SHISA6: variants seen among roughly 807,000 people sequenced by gnomAD.
The protein encoded by SHISA6 is protein shisa-6.
Under a neutral mutation model 47.9 loss-of-function variants are expected in SHISA6, and 22 were observed. The ratio of observed to expected loss-of-function variants is 0.46; its 90% CI spans 0.33 to 0.66. SHISA6 has a LOEUF of 0.66. SHISA6 is among the 30% of genes least tolerant of loss of function. The probability of loss-of-function intolerance (pLI) is 0.02; values close to 1 mark genes in which losing one functional copy is unlikely to be tolerated. For synonymous variants in SHISA6, 388 were observed against 337.8 expected, an observed-to-expected ratio of 1.15 and a Z score of -1.63; for missense variants, 680 against 764.6, an observed-to-expected ratio of 0.89 and a Z score of 1.30.
intron 2 of SHISA6, among the ~76,000 whole-genome samples, chr17:11,328,169 AGT>A (rs1910973271): frequency 3.3e-5 from 5 of 152,216 alleles, no homozygotes; most frequent in Admixed American, 3.3e-4. Context: ...ACTAGAAATG[AGT>A]ACAGCATATT....
At chr17:11,491,157 G>T (rs896344508) in intron 3 of SHISA6, among the ~76,000 whole-genome samples, 52 of 152,174 alleles carry the variant, frequency 3.4e-4, no homozygotes, top group African/African-American at 1.2e-3. Context: ...TTTCTGTAGG[G>T]CAGGCCCAGC....
chr17:11,424,186 GAAAT>G (rs760812954), intron 3 of SHISA6, among the ~76,000 whole-genome samples: 37 of 152,160 alleles, frequency 2.4e-4, no homozygotes, highest in Admixed American at 9.8e-4. Flanking sequence ...TGGAGGAAGT[GAAAT>G]AATCAAAATC....
At chr17:11,305,642 G>C (rs1052146534) in intron 2 of SHISA6, among the ~76,000 whole-genome samples, 1 of 152,188 alleles carries the variant, frequency 6.6e-6, no homozygotes, top group African/African-American at 2.4e-5. Flanking sequence ...TTGGTGTTGC[G>C]GGTGGCTCTG....
intron 2 of SHISA6, among the ~76,000 whole-genome samples, chr17:11,366,089 T>C (rs995387708): frequency 6.6e-6 from 1 of 152,138 alleles, no homozygotes; most frequent in Non-Finnish European, 1.5e-5. Flanking sequence ...AAAAGTGGTG[T>C]GAGGGAGGGA....
At chr17:11,290,654 A>C (rs894393719) in intron 2 of SHISA6, 1 of 151,544 alleles carries the variant, frequency 6.6e-6, no homozygotes, top group Admixed American at 6.6e-5. Flanking sequence ...CGGGCCTCAA[A>C]TATTTTCTCT....
At chr17:11,479,759 C>A (rs1323817564) in intron 3 of SHISA6, among the ~76,000 whole-genome samples, 1 of 151,590 alleles carries the variant, frequency 6.6e-6, no homozygotes, top group East Asian at 1.9e-4. Flanking sequence ...AATATATATA[C>A]ATACACATAT....
At chr17:11,393,406 G>A (rs924421523) in intron 3 of SHISA6, among the ~76,000 whole-genome samples, 2 of 152,014 alleles carry the variant, frequency 1.3e-5, no homozygotes, top group Non-Finnish European at 2.9e-5. Context: ...AGTTGCAAAG[G>A]TCTCCTCCAT....
chr17:11,327,886 T>G (rs1197938319), intron 2 of SHISA6, among the ~76,000 whole-genome samples: 1 of 152,072 alleles, frequency 6.6e-6, no homozygotes, highest in Non-Finnish European at 1.5e-5. Context: ...AAGTTAAAGT[T>G]TCCCCATTCA....
intron 3 of SHISA6, among the ~76,000 whole-genome samples, chr17:11,507,495 A>C (rs953907627): frequency 1.3e-5 from 2 of 152,134 alleles, no homozygotes; most frequent in Non-Finnish European, 2.9e-5. Context: ...GCAATAAGAG[A>C]TGTCTTATGT....
At chr17:11,528,798 C>G (rs1172724167) in intron 3 of SHISA6, among the ~76,000 whole-genome samples, 1 of 152,198 alleles carries the variant, frequency 6.6e-6, no homozygotes, top group African/African-American at 2.4e-5. Flanking sequence ...CAGACATCAC[C>G]AGATCCAGCT....
intron 2 of SHISA6, among the ~76,000 whole-genome samples, chr17:11,267,042 G>A (rs1263799823): frequency 6.6e-6 from 1 of 152,154 alleles, no homozygotes. Context: ...AATAGCGAAT[G>A]GATCCTGTAA....
At chr17:11,357,187 C>CAAAA (rs60564976) in intron 2 of SHISA6, among the ~76,000 whole-genome samples, 32,683 of 89,898 alleles carry the variant, frequency 0.36, 7,123 homozygotes, top group Non-Finnish European at 0.38. Flanking sequence ...GACTCCGTCT[C>CAAAA]AAAAAAAAAA....
In SHISA6 at chr17:11,272,230, C is replaced by T. The variant is rs73293755; in HGVS notation, c.799+8704C>T. The stretch of plus-strand genomic sequence containing the variant: ...ACATTTGGGTCCTTATGGGGACTCA[C>T]TCTCTGTCTTCTATAGCTCCCCAGC... On this transcript the variant is annotated intron_variant, in intron 2 of 5. Transcript: ENST00000441885. Among the ~76,000 whole-genome samples, 397 of 152,270 alleles carry T rather than the reference C, an allele frequency of 2.6e-3. 1 individual carries two copies. Among genetic ancestry groups the T allele is most frequent in the African/African-American group, 9.1e-3 (379 of 41,572 alleles).
chr17:11,345,172 A>G (rs1911659928), intron 2 of SHISA6, among the ~76,000 whole-genome samples: 1 of 152,092 alleles, frequency 6.6e-6, no homozygotes, highest in Admixed American at 6.5e-5. Flanking sequence ...TATATACCAC[A>G]TTTTATTTAT....
intron 1 of SHISA6, among the ~76,000 whole-genome samples, chr17:11,249,889 G>A (rs1050142118): frequency 3.3e-5 from 5 of 152,218 alleles, no homozygotes; most frequent in African/African-American, 7.2e-5. Flanking sequence ...GAGCCCAGAA[G>A]AGGCATTTCA....
At chr17:11,298,323 G>C (rs1597446076) in intron 2 of SHISA6, among the ~76,000 whole-genome samples, 2 of 152,176 alleles carry the variant, frequency 1.3e-5, no homozygotes, top group South Asian at 2.1e-4. Flanking sequence ...GAGGCTGCCT[G>C]GCCAGACTGA....
intron 3 of SHISA6, among the ~76,000 whole-genome samples, chr17:11,479,451 G>T (rs1916157998): frequency 6.6e-6 from 1 of 151,870 alleles, no homozygotes; most frequent in African/African-American, 2.4e-5. Flanking sequence ...CACACACCAG[G>T]GCCTGTCAGG....
intron 3 of SHISA6, among the ~76,000 whole-genome samples, chr17:11,501,774 C>A (rs139174038): frequency 6.6e-6 from 1 of 151,950 alleles, no homozygotes; most frequent in African/African-American, 2.4e-5. Flanking sequence ...AAAGAGCCTC[C>A]GGTGACACAC....
chr17:11,377,208 A>G (rs1912832238), intron 2 of SHISA6, among the ~76,000 whole-genome samples: 1 of 152,140 alleles, frequency 6.6e-6, no homozygotes, highest in Non-Finnish European at 1.5e-5. Context: ...ATTATGCCCC[A>G]GCATTTTTTC....
Sources: allele counts gnomAD v4.1 joint callset (sites outside exome capture counted in the v4.1 genomes callset), GRCh38; gene constraint gnomAD v4.1.1; transcripts MANE v1.5; gene names NCBI Gene and HGNC (gene_info 2026-07-23, HGNC 2026-07-21).